The following MGAT4C variants were observed in gnomAD, a reference collection of about 807,000 sequenced individuals.
MGAT4C encodes the protein alpha-1,3-mannosyl-glycoprotein 4-beta-N-acetylglucosaminyltransferase C.
In MGAT4C, 19 loss-of-function variants were observed where a neutral mutation model predicts 40.1. That is an observed-to-expected ratio of 0.47 (90% CI 0.33 to 0.70). MGAT4C has a LOEUF of 0.70. Among genes scored for constraint, MGAT4C ranks in the 30% least tolerant of loss-of-function variants. The probability of loss-of-function intolerance (pLI) is 0.02; values close to 1 mark genes in which losing one functional copy is unlikely to be tolerated. For missense variants in MGAT4C, 491 were observed against 563.2 expected, an observed-to-expected ratio of 0.87 and a Z score of 1.30; for synonymous variants, 181 against 187.1, an observed-to-expected ratio of 0.97 and a Z score of 0.27.
intron 2 of MGAT4C, among the ~76,000 whole-genome samples, chr12:86,604,883 G>A (rs535739867): frequency 1.3e-5 from 2 of 152,088 alleles, no homozygotes; most frequent in Admixed American, 1.3e-4. Context: ...AGACTCTAGG[G>A]AGCATGTACC....
intron 2 of MGAT4C, among the ~76,000 whole-genome samples, chr12:86,006,491 T>C (rs1353574946): frequency 6.6e-6 from 1 of 152,168 alleles, no homozygotes; most frequent in African/African-American, 2.4e-5. Flanking sequence ...ACTTGTTTTG[T>C]TCAATGGAAA....
chr12:86,104,358 C>A (rs1356479264), intron 1 of MGAT4C, among the ~76,000 whole-genome samples: 1 of 151,782 alleles, frequency 6.6e-6, no homozygotes, highest in Non-Finnish European at 1.5e-5. Context: ...GACAGTCAAT[C>A]GAGCCTAGGA....
chr12:86,210,202 G>A (rs1566150571), intron 1 of MGAT4C, among the ~76,000 whole-genome samples: 3 of 151,934 alleles, frequency 2.0e-5, no homozygotes, highest in Middle Eastern at 3.4e-3. Context: ...TTTTTTCAAC[G>A]GATATTCCAT....
In MGAT4C at chr12:86,254,725, C is replaced by A. The variant is rs1330468486; in HGVS notation, c.-57+1514G>T. 2.0e-5 allele frequency among the ~76,000 whole-genome samples: 3 copies of A among 151,970 alleles called. 1 individual carries two copies. The highest frequency in any genetic ancestry group is 2.0e-4 in the Admixed American group (3 of 15,214). ...ACAGAATATACCAACTTAAATTTTTCTCAGCAAAAAATTGACTCTAGATGT... is the reference window on the plus strand; with the variant it reads ...ACAGAATATACCAACTTAAATTTTTATCAGCAAAAAATTGACTCTAGATGT... On this transcript the variant is annotated intron_variant, in intron 1 of 4. Coordinates refer to ENST00000611864, the MANE Select transcript of MGAT4C (RefSeq NM_001351288.2).
At position 86,013,738 on chromosome 12, in the gene MGAT4C, T is replaced by A. The variant is rs1437867383; in HGVS notation, c.-6-24186A>T. The stretch of plus-strand genomic sequence containing the variant: ...CAAAAAGAACATACGGCTTTTCTAG[T>A]GTCAGTCAGGTCCACAGAATCTTAG... On this transcript the variant is annotated intron_variant, in intron 2 of 4. Coordinates refer to ENST00000611864, the MANE Select transcript of MGAT4C (RefSeq NM_001351288.2). The A allele has an allele frequency of 2.2e-5, 22 of 984,504 alleles. No homozygotes were observed. In the South Asian group the frequency reaches 8.0e-4, roughly 36 times the overall value. The allele number at this position is 984,504 out of a possible 1,614,324, so 61.0% of individuals were successfully genotyped here. A position where few individuals can be genotyped will look rare whatever the true frequency, so the allele number is the denominator to read the frequency against.
chr12:86,063,788 T>C (rs1025888982), intron 1 of MGAT4C, among the ~76,000 whole-genome samples: 4 of 152,036 alleles, frequency 2.6e-5, no homozygotes, highest in Admixed American at 1.3e-4. Flanking sequence ...CCAACAAAGA[T>C]CAAAAGAGAC....
Position 86,205,762 on chromosome 12 carries a change from A to G in MGAT4C, c.-57+50477T>C, listed in dbSNP as rs191884898. 2.3e-4 allele frequency among the ~76,000 whole-genome samples: 35 copies of G among 152,222 alleles called. No individual in the cohort carries two copies. In the East Asian group the frequency reaches 6.6e-3, roughly 29 times the overall value. ...TTTTCTTTCTTGACTCTATATTTCC[A>G]GAATTTTAATTCAGACTTCCATAAG... On this transcript the variant is annotated intron_variant, in intron 1 of 4. Coordinates refer to ENST00000611864, the MANE Select transcript of MGAT4C (RefSeq NM_001351288.2).
intron 2 of MGAT4C, among the ~76,000 whole-genome samples, chr12:86,686,411 G>A (rs527610032): frequency 6.6e-6 from 1 of 152,230 alleles, no homozygotes; most frequent in Admixed American, 6.5e-5. Flanking sequence ...CTTATCTTGT[G>A]CCAGTTTTCA....
At chr12:86,358,008 A>C (rs1170228351) in intron 3 of MGAT4C, among the ~76,000 whole-genome samples, 2 of 152,110 alleles carry the variant, frequency 1.3e-5, no homozygotes, top group African/African-American at 4.8e-5. Flanking sequence ...GAGAAGAACA[A>C]CCCCAAAACA....
At chr12:86,539,561 A>C (rs947719423) in intron 2 of MGAT4C, among the ~76,000 whole-genome samples, 2 of 152,212 alleles carry the variant, frequency 1.3e-5, no homozygotes, top group East Asian at 1.9e-4. Context: ...GCTGGGTCAA[A>C]TGGTATTTCT....
intron 1 of MGAT4C, among the ~76,000 whole-genome samples, chr12:86,137,684 T>C (rs1882166070): frequency 6.6e-6 from 1 of 152,218 alleles, no homozygotes; most frequent in Admixed American, 6.5e-5. Flanking sequence ...TTGTAGGTGC[T>C]ATGGCCAGAT....
chr12:86,017,791 A>C (rs1889245751), intron 2 of MGAT4C, among the ~76,000 whole-genome samples: 1 of 152,144 alleles, frequency 6.6e-6, no homozygotes, highest in Admixed American at 6.6e-5. Context: ...TAGAGAAATA[A>C]CATTTTTAAC....
rs532084345 is a variant in MGAT4C at position 86,366,731 on chromosome 12, A to T, written c.-119-32604T>A. On this transcript the variant is annotated intron_variant, in intron 3 of 7. Transcript: ENST00000548651. ...GCCTTTAATGTATAATAAAGTTGAA[A>T]TTTTTGTTTAAAAATTAGCACATTA... 1.2e-4 allele frequency among the ~76,000 whole-genome samples: 18 copies of T among 152,302 alleles called. No homozygotes were observed. The South Asian group carries it at 3.5e-3, about 30-fold the overall frequency.
chr12:86,646,624 C>T (rs1164449318), intron 2 of MGAT4C, among the ~76,000 whole-genome samples: 1 of 151,750 alleles, frequency 6.6e-6, no homozygotes, highest in Non-Finnish European at 1.5e-5. Flanking sequence ...TTATTTTTCT[C>T]TCTGTAAATA....
chr12:86,296,548 G>C (rs1953683006), intron 4 of MGAT4C, among the ~76,000 whole-genome samples: 1 of 152,232 alleles, frequency 6.6e-6, no homozygotes, highest in African/African-American at 2.4e-5. Flanking sequence ...GGCCTGCCCG[G>C]TGGGAAGGCA....
chr12:86,427,760 C>T (rs1459779441), intron 3 of MGAT4C, among the ~76,000 whole-genome samples: 2 of 152,148 alleles, frequency 1.3e-5, no homozygotes, highest in African/African-American at 4.8e-5. Context: ...GTGGCTCATG[C>T]CTGTTATCCC....
At chr12:86,496,782 T>C (rs1404149272) in intron 2 of MGAT4C, among the ~76,000 whole-genome samples, 1 of 152,026 alleles carries the variant, frequency 6.6e-6, no homozygotes, top group Non-Finnish European at 1.5e-5. Context: ...CAGCCTTTTA[T>C]AAAACGTTCA....
chr12:86,111,613 T>C (rs868786725), intron 1 of MGAT4C, among the ~76,000 whole-genome samples: 12 of 151,830 alleles, frequency 7.9e-5, no homozygotes, highest in African/African-American at 2.7e-4. Context: ...TTGATTCCCT[T>C]GATTAGTGAG....
At chr12:86,337,097 G>C (rs1017404307) in intron 3 of MGAT4C, among the ~76,000 whole-genome samples, 2 of 151,844 alleles carry the variant, frequency 1.3e-5, no homozygotes, top group Non-Finnish European at 2.9e-5. Context: ...CTTAAGTCTT[G>C]GTACACAGAA....
Sources: gnomAD v4.1 joint callset for allele counts (sites outside exome capture counted in the v4.1 genomes callset) on GRCh38, gnomAD v4.1.1 for gene constraint, MANE v1.5 for transcripts, NCBI Gene and HGNC (gene_info 2026-07-23, HGNC 2026-07-21) for gene names.